Variants in FRMPD2 observed in about 807,000 individuals in gnomAD.
FRMPD2 encodes FERM and PDZ domain-containing protein 2.
FRMPD2 carries 96 observed loss-of-function variants against 140.1 expected under a neutral mutation model. The ratio of observed to expected loss-of-function variants is 0.69; its 90% CI spans 0.58 to 0.81. The LOEUF (loss-of-function observed/expected upper bound fraction) is 0.81, where lower values mean the gene tolerates loss of function less well. FRMPD2 is among the 40% of genes least tolerant of loss of function. FRMPD2 has a pLI of 0.00. For synonymous variants in FRMPD2, 449 were observed against 547.6 expected (o/e 0.82, Z 2.52); for missense variants, 1,240 against 1,447.4 (o/e 0.86, Z 2.32).
chr10:48,175,676 G>T (rs1971758), intron 23 of FRMPD2, among the ~76,000 whole-genome samples, 170 bp downstream of exon 23: 2 of 150,734 alleles, frequency 1.3e-5, no homozygotes, highest in Non-Finnish European at 3.0e-5. Context: ...GGCAGGGCAG[G>T]TTCTATCACC....
intron 15 of FRMPD2, among the ~76,000 whole-genome samples, chr10:48,194,817 G>A (rs888081864): frequency 2.0e-5 from 3 of 152,146 alleles, no homozygotes; most frequent in South Asian, 2.1e-4. Context: ...TCATCGCCAC[G>A]CCTCAGCTTC....
chr10:48,172,935 TC>T lies in FRMPD2; in HGVS notation c.3223+10del. 8.6e-7 allele frequency: 1 copy of T among 1,162,556 alleles called. No homozygotes were observed. Among genetic ancestry groups the T allele is most frequent in the Non-Finnish European group, 1.3e-6 (1 of 792,958 alleles). 72.0% of individuals were successfully genotyped at this position (1,162,556 alleles called of 1,614,324 possible). A position where few individuals can be genotyped will look rare whatever the true frequency, so the allele number is the denominator to read the frequency against. On this transcript the variant is annotated intron_variant, in intron 25 of 28. Coordinates refer to ENST00000374201, the MANE Select transcript of FRMPD2 (RefSeq NM_001018071.4). ...ATGACAATAGTAACACTCAATTCTC[TC>T]CCCTCTCACCATCTGTCACTGAGAC...
intron 14 of FRMPD2, among the ~76,000 whole-genome samples, chr10:48,205,470 G>A (rs1019099961): frequency 8.5e-5 from 13 of 152,142 alleles, no homozygotes; most frequent in African/African-American, 3.1e-4. Flanking sequence ...TACTTTTTAG[G>A]TTACCTGCAT....
intron 28 of FRMPD2, among the ~76,000 whole-genome samples, chr10:48,161,982 C>T (rs1289993321): frequency 1.3e-5 from 2 of 150,246 alleles, no homozygotes; most frequent in Non-Finnish European, 3.0e-5. Context: ...TTCATTATCC[C>T]AAGCTATCTG....
chr10:48,270,158 T>C (rs1031306704), intron 1 of FRMPD2, among the ~76,000 whole-genome samples: 9 of 152,134 alleles, frequency 5.9e-5, no homozygotes, highest in Admixed American at 4.6e-4. Context: ...TTAAACAATA[T>C]GGAAAAACTG....
intron 3 of FRMPD2, chr10:48,248,730 A>T (rs1429491673): frequency 4.8e-6 from 1 of 209,208 alleles, no homozygotes; most frequent in East Asian, 1.0e-4. Context: ...ACTTAACCAC[A>T]GCTTTTCAAC....
At chr10:48,237,890 TC>T in intron 8 of FRMPD2, 100 bp downstream of exon 8, 1 of 1,392,182 alleles carries the variant, frequency 7.2e-7, no homozygotes, top group Non-Finnish European at 1.0e-6. Flanking sequence ...AGGGAAGTTG[TC>T]CCCTAGAAGA....
chr10:48,229,936 A>C (rs1016484663), intron 10 of FRMPD2, among the ~76,000 whole-genome samples: 13 of 152,192 alleles, frequency 8.5e-5, no homozygotes, highest in African/African-American at 3.1e-4. Context: ...TTCAAGATCA[A>C]ACCATTGGAC....
At chr10:48,217,115 A>T (rs1839468551) in intron 12 of FRMPD2, among the ~76,000 whole-genome samples, 1 of 152,200 alleles carries the variant, frequency 6.6e-6, no homozygotes, top group Admixed American at 6.5e-5. Context: ...AGGGGAATTG[A>T]ACTATACAGT....
intron 10 of FRMPD2, among the ~76,000 whole-genome samples, chr10:48,226,648 A>G (rs1404171697): frequency 1.3e-5 from 2 of 152,258 alleles, no homozygotes; most frequent in African/African-American, 2.4e-5. Context: ...CAACATCCTT[A>G]TCTTCAAGGA....
chr10:48,265,958 A>G (rs1343490796), intron 1 of FRMPD2, among the ~76,000 whole-genome samples: 1 of 152,222 alleles, frequency 6.6e-6, no homozygotes, highest in Non-Finnish European at 1.5e-5. Flanking sequence ...AAGACATGGG[A>G]TCAATCTAAA....
At chr10:48,238,289 G>A (rs1236178738) in intron 7 of FRMPD2, among the ~76,000 whole-genome samples, 166 bp from the exon 8 acceptor site, 1 of 152,196 alleles carries the variant, frequency 6.6e-6, no homozygotes, top group Non-Finnish European at 1.5e-5. Context: ...AGTGGGGGAA[G>A]CTGAGGCCTG....
intron 13 of FRMPD2, among the ~76,000 whole-genome samples, chr10:48,207,965 G>A (rs1314522709): frequency 7.9e-5 from 12 of 152,120 alleles, no homozygotes; most frequent in Non-Finnish European, 1.3e-4. Context: ...AGACTCCACA[G>A]CTCTTCACAC....
intron 17 of FRMPD2, among the ~76,000 whole-genome samples, 186 bp downstream of exon 17, chr10:48,187,006 C>G (rs1838704302): frequency 6.6e-6 from 1 of 152,174 alleles, no homozygotes; most frequent in Admixed American, 6.5e-5. Context: ...ATTTCAGATC[C>G]TCATACCCAG....
chr10:48,194,911 G>A (rs1361280540), intron 15 of FRMPD2, among the ~76,000 whole-genome samples: 5 of 152,170 alleles, frequency 3.3e-5, no homozygotes, highest in Admixed American at 6.5e-5. Flanking sequence ...TTTCAAGAAT[G>A]GAAGGAAGCA....
At chr10:48,269,784 C>T (rs1840736348) in intron 1 of FRMPD2, among the ~76,000 whole-genome samples, 1 of 152,218 alleles carries the variant, frequency 6.6e-6, no homozygotes, top group Admixed American at 6.5e-5. Context: ...CCTTAACTCA[C>T]ACTTGACAGA....
chr10:48,188,390 T>C (rs1838743175), intron 16 of FRMPD2, among the ~76,000 whole-genome samples: 1 of 151,674 alleles, frequency 6.6e-6, no homozygotes, highest in African/African-American at 2.4e-5. Flanking sequence ...CAGCACAGAG[T>C]AGCTTTGGAG....
chr10:48,160,081 C>T (rs2132383711), intron 28 of FRMPD2, among the ~76,000 whole-genome samples: 1 of 151,690 alleles, frequency 6.6e-6, no homozygotes, highest in South Asian at 2.1e-4. Flanking sequence ...GGTAATGAGA[C>T]TTGATGTGAT....
In FRMPD2 at chr10:48,249,107, G is replaced by C. The variant is rs201555670; in HGVS notation, c.223C>G (p.Arg75Gly). ...SAAGSLSFQGRVSHIEAAPFK... is the reference protein window; with the variant it reads ...SAAGSLSFQGGVSHIEAAPFK... Reference sequence around the variant, plus strand: ...GGAGCAGCCTCTATATGAGAAACACGGCCTTGGAAAGAAAGGCTTCCAGCT... The same window carrying C: ...GGAGCAGCCTCTATATGAGAAACACCGCCTTGGAAAGAAAGGCTTCCAGCT... The change falls in exon 3 of 29, where the codon CGT becomes GGT. Residue 75 changes from arginine to glycine, a missense_variant. Transcript: ENST00000374201. 73 of 1,613,926 alleles carry C rather than the reference G, an allele frequency of 4.5e-5. No homozygotes were observed. The highest frequency in any genetic ancestry group is 6.0e-5 in the Non-Finnish European group (71 of 1,180,010).
Sources: gnomAD v4.1 joint callset for allele counts (sites outside exome capture counted in the v4.1 genomes callset) on GRCh38, gnomAD v4.1.1 for gene constraint, MANE v1.5 for transcripts, NCBI Gene and HGNC (gene_info 2026-07-23, HGNC 2026-07-21) for gene names.